Variants in P2RX4 observed in about 807,000 individuals in gnomAD.
P2RX4 encodes purinergic receptor P2X 4.
In P2RX4, 37 loss-of-function variants were observed where a neutral mutation model predicts 48.0. The observed-to-expected ratio is 0.77, with a 90% CI of 0.59 to 1.01. P2RX4 has a LOEUF of 1.01. Ranked by LOEUF, P2RX4 falls within the 50% of genes least tolerant of loss-of-function variation. The pLI, the probability that P2RX4 is intolerant of heterozygous loss-of-function variation, is 0.00. For synonymous variants in P2RX4, 200 were observed against 199.7 expected (o/e 1.00, Z -0.01); for missense variants, 501 against 521.4 (o/e 0.96, Z 0.38).
At chr12:121,222,365 T>G (rs1886678005) in intron 4 of P2RX4, 199 bp downstream of exon 4, 5 of 339,326 alleles carry the variant, frequency 1.5e-5, no homozygotes, top group Admixed American at 9.6e-5. Context: ...TGCCCTACTG[T>G]TTTTTTTTTT....
Position 121,210,219 on chromosome 12 carries a change from C to T in P2RX4, c.55C>T (p.Arg19Cys), listed in dbSNP as rs1442371760. The T allele has an allele frequency of 1.9e-6, 3 of 1,559,126 alleles. No individual in the cohort carries two copies. The highest frequency in any genetic ancestry group is 2.8e-5 in the African/African-American group (2 of 70,396). Residue 19 changes from arginine to cysteine, a missense_variant, in exon 1 of 12, where the codon CGC (arginine) becomes TGC (cysteine). Arg to Cys is a radical substitution (Grantham distance 180). This residue lies in a region of P2RX4 where 295 missense variants were observed against 275.3 expected (regional missense o/e 1.07). Coordinates refer to ENST00000337233, the MANE Select transcript of P2RX4 (RefSeq NM_002560.3). ...CTTCCTGTTCGAGTACGACACGCCG[C>T]GCATCGTGCTCATCCGCAGCCGCAA... Reference protein sequence around the residue: ...AAFLFEYDTPRIVLIRSRKVG... With the variant: ...AAFLFEYDTPCIVLIRSRKVG...
At position 121,229,224 on chromosome 12, in the gene P2RX4, C is replaced by T. The variant is rs890654915; in HGVS notation, c.884+125C>T. ...CCCCAAGGGCAGGCTGCCGGTCCCC[C>T]GTCCAAGGCGGCGGGAAGGCCATGC... On this transcript the variant is annotated intron_variant, in intron 8 of 11. Transcript: ENST00000337233. This position sits in a 1 kb window ranked among gnomAD's most constrained non-coding sequence, Gnocchi z 4.6. The T allele has an allele frequency of 1.1e-5, 13 of 1,197,466 alleles. No homozygotes were observed. Among genetic ancestry groups the T allele is most frequent in the Admixed American group, 1.9e-5 (1 of 53,782 alleles). The allele number at this position is 1,197,466 out of a possible 1,614,324, so 74.2% of individuals were successfully genotyped here.
At chr12:121,212,221 T>C (rs557813163) in intron 1 of P2RX4, among the ~76,000 whole-genome samples, 7 of 152,280 alleles carry the variant, frequency 4.6e-5, no homozygotes, top group South Asian at 2.1e-4. Context: ...GCAGCAGCAG[T>C]AGATACAGAC....
chr12:121,222,215 C>T (rs1347870636), intron 4 of P2RX4, 49 bp downstream of exon 4: 1 of 1,261,298 alleles, frequency 7.9e-7, no homozygotes, highest in African/African-American at 1.5e-5. Context: ...GCAGATCGCC[C>T]CCACTGTGGA....
intron 5 of P2RX4, among the ~76,000 whole-genome samples, chr12:121,225,396 A>AT (rs946222595): frequency 3.4e-5 from 5 of 149,068 alleles, no homozygotes; most frequent in Admixed American, 2.7e-4. Flanking sequence ...TTATTTATTT[A>AT]TTTTTTATTT....
intron 1 of P2RX4, among the ~76,000 whole-genome samples, chr12:121,212,102 T>G (rs1885902851): frequency 2.0e-5 from 3 of 152,244 alleles, no homozygotes; most frequent in Non-Finnish European, 4.4e-5. Flanking sequence ...GGAAGACTCA[T>G]CTGAGGAATT....
At chr12:121,219,721 GAA>G (rs1223946426) in intron 2 of P2RX4, among the ~76,000 whole-genome samples, 2 of 151,870 alleles carry the variant, frequency 1.3e-5, no homozygotes, top group Non-Finnish European at 2.9e-5. Context: ...AAAGAAAAGA[GAA>G]GAGAAAAGAA....
intron 1 of P2RX4, chr12:121,215,163 G>A (rs1223335038): frequency 6.6e-6 from 1 of 152,164 alleles, no homozygotes; most frequent in Non-Finnish European, 1.5e-5. Context: ...GTTCTGATTT[G>A]TAGTACTGGC....
chr12:121,210,322 GC>G, intron 1 of P2RX4, 24 bp downstream of exon 1: 1 of 1,494,560 alleles, frequency 6.7e-7, no homozygotes, highest in Non-Finnish European at 8.9e-7. Flanking sequence ...CGCGCGGGGG[GC>G]GCGGCGGGTG....
At chr12:121,221,182 GTGTGTGTGTGTGTGTT>G (rs1566003198) in intron 2 of P2RX4, among the ~76,000 whole-genome samples, 10 of 139,774 alleles carry the variant, frequency 7.2e-5, no homozygotes, top group African/African-American at 2.4e-4. Context: ...GTGTGTGTGT[GTGTGTGTGTGTGTGTT>G]TTTAGTACAA....
Position 121,220,307 on chromosome 12 carries a change from C to CT in P2RX4, c.283-1599dup, listed in dbSNP as rs200941845. Among the ~76,000 whole-genome samples the CT allele has an allele frequency of 6.5e-3, 987 of 152,068 alleles. 8 individuals carry two copies. The highest frequency in any genetic ancestry group is 0.022 in the African/African-American group (927 of 41,466). The stretch of plus-strand genomic sequence containing the variant: ...ATTGTTTCAGTTTGCAGACCCCCCC[C>CT]TTTTTTTAACTGCAGTCAAATTCAC... On this transcript the variant is annotated intron_variant, in intron 2 of 11. Coordinates refer to ENST00000337233, the MANE Select transcript of P2RX4 (RefSeq NM_002560.3).
chr12:121,230,527 T>G (rs771921209), intron 8 of P2RX4, among the ~76,000 whole-genome samples: 2 of 152,248 alleles, frequency 1.3e-5, no homozygotes, highest in Non-Finnish European at 2.9e-5. Context: ...GGATCTGCTG[T>G]CCTTTTGAAC....
intron 8 of P2RX4, among the ~76,000 whole-genome samples, chr12:121,230,898 G>GCT (rs914297550): frequency 6.1e-5 from 9 of 148,048 alleles, no homozygotes; most frequent in East Asian, 2.0e-4. Context: ...TCGCGTGCTC[G>GCT]CTCTCTCTCT....
chr12:121,212,310 G>T (rs1011039725), intron 1 of P2RX4, among the ~76,000 whole-genome samples: 1 of 151,990 alleles, frequency 6.6e-6, no homozygotes. Context: ...GGACTCATTG[G>T]CTCACACCTG....
chr12:121,222,980 G>T lies in P2RX4; in HGVS notation c.461G>T (p.Gly154Val). 6.2e-7 allele frequency: 1 copy of T among 1,613,788 alleles called. No homozygotes were observed. Among genetic ancestry groups the T allele is most frequent in the Non-Finnish European group, 8.5e-7 (1 of 1,179,704 alleles). ...ACAGGCAGGTGCGTAGCTTTCAACGGGTCTGTCAAGACGTGTGAGGTGGCG... is the reference window on the plus strand; with the variant it reads ...ACAGGCAGGTGCGTAGCTTTCAACGTGTCTGTCAAGACGTGTGAGGTGGCG... ...VSTGRCVAFN[G>V]SVKTCEVAAW... The change falls in exon 5 of 12, where the codon GGG (glycine) becomes GTG (valine). Residue 154 changes from glycine (G) to valine (V), a missense_variant. This residue lies in a region of P2RX4 where 295 missense variants were observed against 275.3 expected (regional missense o/e 1.07). Transcript: ENST00000337233.
At chr12:121,230,952 C>T (rs1887306435) in intron 8 of P2RX4, among the ~76,000 whole-genome samples, 1 of 143,520 alleles carries the variant, frequency 7.0e-6, no homozygotes, top group Admixed American at 7.0e-5. Flanking sequence ...ATATATATAG[C>T]CATTATATAT....
At chr12:121,230,885 C>T (rs959110183) in intron 8 of P2RX4, among the ~76,000 whole-genome samples, 5 of 151,774 alleles carry the variant, frequency 3.3e-5, no homozygotes, top group African/African-American at 1.2e-4. Context: ...CGTGTGCGCT[C>T]TCTCGCGTGC....
rs775518024 is a variant in P2RX4, at chr12:121,222,024, T to C, written c.354+40T>C. 3 of 1,596,168 alleles carry C rather than the reference T, an allele frequency of 1.9e-6. No individual in the cohort carries two copies. The East Asian group carries it at 6.7e-5, about 36-fold the overall frequency. ...GGAAGAGCCCCAGGCCCCACACCCC[T>C]CTCCACGCCTGTCCACCTGTGTGTG... On this transcript the variant is annotated intron_variant, in intron 3 of 11. Coordinates refer to ENST00000337233, the MANE Select transcript of P2RX4 (RefSeq NM_002560.3).
Position 121,210,145 on chromosome 12 carries a change from TGGGAG to T in P2RX4, c.-19_-15del. The T allele has an allele frequency of 6.6e-7, 1 of 1,517,778 alleles. No homozygotes were observed. The highest frequency in any genetic ancestry group is 2.8e-5 in the East Asian group (1 of 35,776). The allele number at this position is 1,517,778 out of a possible 1,614,324, so 94.0% of individuals were successfully genotyped here. A position where few individuals can be genotyped will look rare whatever the true frequency, so the allele number is the denominator to read the frequency against. On this transcript the variant is annotated 5_prime_UTR_variant, in exon 1 of 12. Coordinates refer to ENST00000337233, the MANE Select transcript of P2RX4 (RefSeq NM_002560.3). ...CTGGGACCCAGACCGACTAGGGGAC[TGGGAG>T]CGGGCGGCGCGGCCATGGCGGGCTG...
Sources: gnomAD v4.1 joint callset for allele counts (sites outside exome capture counted in the v4.1 genomes callset) on GRCh38, gnomAD v4.1.1 for gene constraint, gnomAD v4.1.1 regional missense constraint, Gnocchi (gnomAD v3.1) non-coding constraint, MANE v1.5 for transcripts, NCBI Gene and HGNC (gene_info 2026-07-23, HGNC 2026-07-21) for gene names.